DMXL1: variants seen among roughly 807,000 people sequenced by gnomAD.
DMXL1 encodes the protein Dmx like 1.
In DMXL1, 99 loss-of-function variants were observed where a neutral mutation model predicts 319.2. The ratio of observed to expected loss-of-function variants is 0.31; its 90% confidence interval spans 0.26 to 0.37. The LOEUF (loss-of-function observed/expected upper bound fraction) is 0.37. Among genes scored for constraint, DMXL1 ranks in the 10% least tolerant of loss-of-function variants. The pLI is 1.00. For missense variants in DMXL1, 3,745 were observed against 3,595.6 expected, an observed-to-expected ratio of 1.04 and a Z score of -1.06; for synonymous variants, 1,385 against 1,235.2, an observed-to-expected ratio of 1.12 and a Z score of -2.54.
At chr5:119,176,092 G>A (rs1225623029) in intron 26 of DMXL1, among the ~76,000 whole-genome samples, 1 of 151,710 alleles carries the variant, frequency 6.6e-6, no homozygotes, top group Non-Finnish European at 1.5e-5. Context: ...TCCAAACACG[G>A]ATTCATTATT....
chr5:119,231,608 A>G (rs1786739672), intron 38 of DMXL1, among the ~76,000 whole-genome samples: 1 of 152,220 alleles, frequency 6.6e-6, no homozygotes, highest in Non-Finnish European at 1.5e-5. Context: ...CTCTTAAAAC[A>G]TAGGTACATT....
intron 38 of DMXL1, among the ~76,000 whole-genome samples, chr5:119,225,776 A>T (rs987306313): frequency 5.9e-5 from 9 of 152,134 alleles, no homozygotes; most frequent in Admixed American, 2.0e-4. Context: ...AATATAAAAA[A>T]TTTGTCTGTT....
chr5:119,125,784 T>G (rs1368317606), intron 9 of DMXL1, among the ~76,000 whole-genome samples: 1 of 152,078 alleles, frequency 6.6e-6, no homozygotes, highest in African/African-American at 2.4e-5. Flanking sequence ...AAGGATGGTC[T>G]CAATCTCCTG....
In DMXL1 at chr5:119,090,320, C is replaced by G. The variant is rs559355166; in HGVS notation, c.88-7659C>G. Among the ~76,000 whole-genome samples the G allele has an allele frequency of 1.0e-3, 159 of 151,544 alleles. 1 individual carries two copies. The highest frequency in any genetic ancestry group is 7.5e-4 in the Non-Finnish European group (51 of 67,878). On this transcript the variant is annotated intron_variant, in intron 1 of 43. Transcript: ENST00000539542. ...ACAGGTGTGAGCCACTGTGCCCGGC[C>G]ACTTGGGGTTAGTATTATTTGGGTC... is the stretch of plus-strand genomic sequence containing the variant.
intron 14 of DMXL1, 117 bp from the exon 15 acceptor site, chr5:119,144,419 C>A: frequency 1.3e-6 from 1 of 755,856 alleles, no homozygotes; most frequent in Non-Finnish European, 2.2e-6. Flanking sequence ...TTCTGCTGAA[C>A]TTTTGACTTC....
intron 32 of DMXL1, among the ~76,000 whole-genome samples, chr5:119,201,184 G>A (rs967823184): frequency 2.6e-5 from 4 of 152,150 alleles, no homozygotes; most frequent in African/African-American, 7.2e-5. Flanking sequence ...TGCCCATTCA[G>A]TATGATGTTG....
intron 42 of DMXL1, among the ~76,000 whole-genome samples, chr5:119,241,394 G>A (rs1788767442): frequency 6.6e-6 from 1 of 151,968 alleles, no homozygotes; most frequent in South Asian, 2.1e-4. Flanking sequence ...AATTAGCCAG[G>A]CGTTGTGGTG....
chr5:119,223,176 C>A (rs1784940345), intron 37 of DMXL1, among the ~76,000 whole-genome samples: 1 of 151,584 alleles, frequency 6.6e-6, no homozygotes, highest in African/African-American at 2.4e-5. Context: ...CCTGCCTCAG[C>A]CTCCCTAGTA....
intron 1 of DMXL1, among the ~76,000 whole-genome samples, chr5:119,089,767 C>T (rs758858835): frequency 6.6e-6 from 1 of 151,266 alleles, no homozygotes; most frequent in Admixed American, 6.6e-5. Flanking sequence ...GCTGGGATTA[C>T]AGGCATACGC....
intron 19 of DMXL1, among the ~76,000 whole-genome samples, chr5:119,152,755 T>C (rs1318860556): frequency 3.9e-5 from 6 of 152,196 alleles, no homozygotes; most frequent in Non-Finnish European, 7.3e-5. Flanking sequence ...CCCGGGAAGT[T>C]CAAGAAATAG....
At chr5:119,136,192 A>G (rs968983114) in intron 13 of DMXL1, among the ~76,000 whole-genome samples, 6 of 152,246 alleles carry the variant, frequency 3.9e-5, no homozygotes, top group Non-Finnish European at 8.8e-5. Context: ...GCCCTGCTCT[A>G]GAGATCTGTG....
At chr5:119,120,526 A>G (rs1761817036) in intron 8 of DMXL1, among the ~76,000 whole-genome samples, 1 of 152,242 alleles carries the variant, frequency 6.6e-6, no homozygotes, top group Admixed American at 6.5e-5. Context: ...TCTCTATGAA[A>G]ATGCTTTGTA....
chr5:119,087,144 CT>C lies in DMXL1; in HGVS notation c.88-10826del, dbSNP rs148040487. On this transcript the variant is annotated intron_variant, in intron 1 of 43. Transcript: ENST00000539542. Reference sequence around the variant, plus strand: ...CATTAAAAAGTTTCATTTCATTGATCTTTTTTTTTGTCTCTATTTCATTTAT... The same window carrying C: ...CATTAAAAAGTTTCATTTCATTGATCTTTTTTTTGTCTCTATTTCATTTAT... Among the ~76,000 whole-genome samples, 188 of 149,984 alleles carry C rather than the reference CT, an allele frequency of 1.3e-3. 1 individual carries two copies. Among genetic ancestry groups the C allele is most frequent in the African/African-American group, 3.9e-3 (159 of 40,942 alleles).
In DMXL1 at chr5:119,216,945, T is replaced by A. The variant is rs1452913960; in HGVS notation, c.7971T>A (p.Ile2657=). Residue 2657 remains isoleucine (I), a synonymous_variant, in exon 35 of 44, where the codon ATT becomes ATA. Transcript: ENST00000539542. The part of the protein sequence containing the change: ...LGYPGGKARI[I]HKESDIITAF... ...ATCCTGGAGGTAAAGCAAGAATTAT[T>A]CATAAGGAATCTGATATCATTACTG... The A allele has an allele frequency of 1.2e-6, 2 of 1,601,986 alleles. No individual in the cohort carries two copies. Among genetic ancestry groups the A allele is most frequent in the Non-Finnish European group, 1.7e-6 (2 of 1,174,468 alleles).
chr5:119,118,903 C>T lies in DMXL1; in HGVS notation c.832C>T (p.Leu278=). ...VETFLPNDCL[L]YGGDCSHWTE... ...GACATTTTTACCAAATGATTGTTTGCTATACGGAGGTGACTGCAGCCATTG... is the reference window on the plus strand; with the variant it reads ...GACATTTTTACCAAATGATTGTTTGTTATACGGAGGTGACTGCAGCCATTG... The change falls in exon 8 of 44, where the codon CTA becomes TTA. Residue 278 remains leucine (L), a synonymous_variant. Coordinates refer to ENST00000539542, the MANE Select transcript of DMXL1 (RefSeq NM_001290321.3). 1 of 1,613,766 alleles carries T rather than the reference C, an allele frequency of 6.2e-7. No homozygotes were observed. The highest frequency in any genetic ancestry group is 8.5e-7 in the Non-Finnish European group (1 of 1,179,752).
chr5:119,231,702 G>A (rs981730258), intron 38 of DMXL1, among the ~76,000 whole-genome samples: 4 of 152,190 alleles, frequency 2.6e-5, no homozygotes, highest in Admixed American at 6.5e-5. Context: ...AGGCTTCACC[G>A]AGGTGGCATG....
intron 1 of DMXL1, among the ~76,000 whole-genome samples, chr5:119,097,648 C>T (rs1580680556): frequency 2.6e-5 from 4 of 152,032 alleles, no homozygotes; most frequent in South Asian, 2.1e-4. Flanking sequence ...ACCTGGGAGG[C>T]GGAACTTGGA....
chr5:119,237,089 C>G (rs1787895109), intron 39 of DMXL1: 1 of 269,048 alleles, frequency 3.7e-6, no homozygotes, highest in Non-Finnish European at 7.1e-6. Context: ...ATGCTAGAGG[C>G]TACTGTAATA....
intron 10 of DMXL1, among the ~76,000 whole-genome samples, chr5:119,130,699 C>T (rs1453797315): frequency 6.6e-6 from 1 of 152,094 alleles, no homozygotes; most frequent in African/African-American, 2.4e-5. Flanking sequence ...TTGTATTTAA[C>T]GGCTGCTGAG....
Sources: allele counts gnomAD v4.1 joint callset (sites outside exome capture counted in the v4.1 genomes callset), GRCh38; gene constraint gnomAD v4.1.1; transcripts MANE v1.5; gene names NCBI Gene and HGNC (gene_info 2026-07-23, HGNC 2026-07-21).